The following NDUFAF5 variants were observed in gnomAD, a reference collection of about 807,000 sequenced individuals.
NDUFAF5 encodes the protein arginine-hydroxylase NDUFAF5, mitochondrial.
In NDUFAF5, 34 loss-of-function variants were observed where a neutral mutation model predicts 48.9. The observed-to-expected ratio is 0.70, with a 90% CI of 0.53 to 0.93. NDUFAF5 has a LOEUF of 0.93. Ranked by LOEUF, NDUFAF5 falls within the 40% of genes least tolerant of loss-of-function variation. NDUFAF5 has a pLI of 0.00. For synonymous variants in NDUFAF5, 153 were observed against 150.6 expected (o/e 1.02, Z -0.12); for missense variants, 428 against 427.5 (o/e 1.00, Z -0.01).
chr20:13,793,027 A>G lies in NDUFAF5; in HGVS notation c.328-153A>G, dbSNP rs931462370. On this transcript the variant is annotated intron_variant, in intron 3 of 10. Coordinates refer to ENST00000378106, the MANE Select transcript of NDUFAF5 (RefSeq NM_024120.5). ...TTAAATATAGCAAAGGATATGTGTT[A>G]TTAAAAGTATTTGTGTACCATACTG... 27 of 762,990 alleles carry G rather than the reference A, an allele frequency of 3.5e-5. 1 individual carries two copies. The African/African-American group carries it at 4.5e-4, about 13-fold the overall frequency. The allele number at this position is 762,990 out of a possible 1,614,324, so 47.3% of individuals were successfully genotyped here.
At position 13,792,004 on chromosome 20, in the gene NDUFAF5, G is replaced by A. The variant is rs1982358178; in HGVS notation, c.328-1176G>A. On this transcript the variant is annotated intron_variant, in intron 3 of 10. Coordinates refer to ENST00000378106, the MANE Select transcript of NDUFAF5 (RefSeq NM_024120.5). The stretch of plus-strand genomic sequence containing the variant: ...TGGTGGGAATATTTATACCATGGAA[G>A]TTGGCAAATGCTACAAAGCAGTCCC... Among the ~76,000 whole-genome samples, 3 of 152,200 alleles carry A rather than the reference G, an allele frequency of 2.0e-5. No homozygotes were observed. In the South Asian group the frequency reaches 6.2e-4, roughly 32 times the overall value.
At chr20:13,809,838 TTGCAGTTCC>T (rs1985608214) in intron 8 of NDUFAF5, among the ~76,000 whole-genome samples, 2 of 152,194 alleles carry the variant, frequency 1.3e-5, no homozygotes. Flanking sequence ...GAGATAAATT[TTGCAGTTCC>T]TGCTGGTGGA....
chr20:13,789,303 T>A (rs1981818012), intron 3 of NDUFAF5, among the ~76,000 whole-genome samples: 1 of 151,848 alleles, frequency 6.6e-6, no homozygotes, highest in Non-Finnish European at 1.5e-5. Flanking sequence ...TAGCTGGGAT[T>A]ATGGGGGTGC....
chr20:13,798,315 C>G lies in NDUFAF5; in HGVS notation c.480-146C>G. The G allele has an allele frequency of 4.4e-5, 30 of 687,864 alleles. No homozygotes were observed. In the South Asian group the frequency reaches 4.9e-4, roughly 11 times the overall value. The allele number at this position is 687,864 out of a possible 1,614,324, so 42.6% of individuals were successfully genotyped here. A position where few individuals can be genotyped will look rare whatever the true frequency, so the allele number is the denominator to read the frequency against. The stretch of plus-strand genomic sequence containing the variant: ...CTAGGAATATTTATAATTTTAAAAC[C>G]TGTATGAAAACGATCAGTGGATTTG... On this transcript the variant is annotated intron_variant, in intron 5 of 10. Transcript: ENST00000378106.
chr20:13,790,404 CT>C (rs1168433218), intron 3 of NDUFAF5, among the ~76,000 whole-genome samples: 1 of 152,168 alleles, frequency 6.6e-6, no homozygotes, highest in Non-Finnish European at 1.5e-5. Flanking sequence ...CCGTCAGCAG[CT>C]TTTATTTGCA....
chr20:13,817,921 A>G lies in NDUFAF5; in HGVS notation c.*711A>G, dbSNP rs1231744479. The G allele has an allele frequency of 6.6e-6, 3 of 454,164 alleles. No individual in the cohort carries two copies. Among genetic ancestry groups the G allele is most frequent in the South Asian group, 4.7e-5 (3 of 64,480 alleles). The allele number at this position is 454,164 out of a possible 1,614,324, so 28.1% of individuals were successfully genotyped here. A position where few individuals can be genotyped will look rare whatever the true frequency, so the allele number is the denominator to read the frequency against. On this transcript the variant is annotated 3_prime_UTR_variant, in exon 11 of 11. Transcript: ENST00000378106. ...GAGGGTTCAAAATCATTTGGAGATAATCAAGCTCAGACAGCTTAGGATAGG... is the reference window on the plus strand; with the variant it reads ...GAGGGTTCAAAATCATTTGGAGATAGTCAAGCTCAGACAGCTTAGGATAGG...
chr20:13,814,624 A>T, intron 8 of NDUFAF5: 1 of 530,812 alleles, frequency 1.9e-6, no homozygotes, highest in Non-Finnish European at 3.2e-6. Flanking sequence ...AAACACTGTG[A>T]GAGTCTTAAA....
chr20:13,799,279 A>C (rs1983736592), intron 6 of NDUFAF5, among the ~76,000 whole-genome samples: 1 of 152,196 alleles, frequency 6.6e-6, no homozygotes, highest in Admixed American at 6.5e-5. Context: ...CATCATTATA[A>C]AGCTGGTGGG....
chr20:13,796,983 G>T (rs754374503), intron 5 of NDUFAF5, among the ~76,000 whole-genome samples: 3 of 152,066 alleles, frequency 2.0e-5, no homozygotes, highest in Non-Finnish European at 2.9e-5. Context: ...TCTCAAAAAA[G>T]GAAAAAATTT....
At chr20:13,799,120 A>G (rs1983712585) in intron 6 of NDUFAF5, among the ~76,000 whole-genome samples, 1 of 152,144 alleles carries the variant, frequency 6.6e-6, no homozygotes, top group South Asian at 2.1e-4. Context: ...TTAAGGAACA[A>G]AAAGGAAACC....
intron 7 of NDUFAF5, among the ~76,000 whole-genome samples, chr20:13,802,404 C>T (rs943219250): frequency 6.6e-6 from 1 of 152,096 alleles, no homozygotes; most frequent in African/African-American, 2.4e-5. Flanking sequence ...TGCGGTGGCT[C>T]ACGCCTGTAA....
chr20:13,791,736 A>G (rs1216892817), intron 3 of NDUFAF5, among the ~76,000 whole-genome samples: 3 of 152,234 alleles, frequency 2.0e-5, no homozygotes, highest in East Asian at 3.9e-4. Flanking sequence ...TTGAAACACC[A>G]TAACAATGTT....
At chr20:13,808,700 C>A in intron 7 of NDUFAF5, 142 bp from the exon 8 acceptor site, 1 of 612,946 alleles carries the variant, frequency 1.6e-6, no homozygotes, top group South Asian at 1.9e-5. Flanking sequence ...AAACATAAGC[C>A]AGATGACATC....
In NDUFAF5 at chr20:13,821,139, G is replaced by A. The variant is rs1428941659; in HGVS notation, c.*3929G>A. On this transcript the variant is annotated 3_prime_UTR_variant, in exon 11 of 11. Coordinates refer to ENST00000378106, the MANE Select transcript of NDUFAF5 (RefSeq NM_024120.5). ...AAAATAATGCTTTGCCATCTGTGGT[G>A]GTTTTAAAATCTATCCACAAATTTT... is the stretch of plus-strand genomic sequence containing the variant. 2.6e-5 allele frequency: 4 copies of A among 152,282 alleles called. No homozygotes were observed. In the East Asian group the frequency reaches 7.7e-4, roughly 29 times the overall value. The allele number at this position is 152,282 out of a possible 1,614,324, so 9.4% of individuals were successfully genotyped here. A position where few individuals can be genotyped will look rare whatever the true frequency, so the allele number is the denominator to read the frequency against.
At chr20:13,816,406 T>C (rs1986460169) in intron 8 of NDUFAF5, 57 bp from the exon 9 acceptor site, 2 of 1,163,916 alleles carry the variant, frequency 1.7e-6, no homozygotes, top group South Asian at 2.4e-5. Context: ...GTCTGTGGTA[T>C]TGAGCTGTTC....
Position 13,785,122 on chromosome 20 carries a change from G to T in NDUFAF5, c.54G>T (p.Arg18Ser). The T allele has an allele frequency of 6.2e-7, 1 of 1,613,830 alleles. No homozygotes were observed. Among genetic ancestry groups the T allele is most frequent in the Non-Finnish European group, 8.5e-7 (1 of 1,179,960 alleles). The change falls in exon 1 of 11, where the codon AGG (arginine) becomes AGT (serine). Residue 18 changes from arginine (R) to serine (S), a missense_variant. Transcript: ENST00000378106. ...TATGTCGGCGACCTTGGGCGGCGAGGGTCCCAGCGGAGAATCTTGGCCGTA... is the reference window on the plus strand; with the variant it reads ...TATGTCGGCGACCTTGGGCGGCGAGTGTCCCAGCGGAGAATCTTGGCCGTA... ...WRLCRRPWAA[R>S]VPAENLGRRE... is the part of the protein sequence containing the mutation.
At chr20:13,795,342 C>A (rs367739798) in intron 5 of NDUFAF5, among the ~76,000 whole-genome samples, 2 of 152,064 alleles carry the variant, frequency 1.3e-5, no homozygotes, top group African/African-American at 2.4e-5. Context: ...CCTTCTATCA[C>A]AGATGAGTTT....
intron 1 of NDUFAF5, chr20:13,787,034 G>T: frequency 2.1e-6 from 1 of 481,074 alleles, no homozygotes; most frequent in Non-Finnish European, 3.8e-6. Flanking sequence ...GTGATCTTAT[G>T]TCACATGGAA....
intron 7 of NDUFAF5, among the ~76,000 whole-genome samples, chr20:13,807,591 A>G (rs1039153343): frequency 6.6e-6 from 1 of 151,722 alleles, no homozygotes; most frequent in Non-Finnish European, 1.5e-5. Context: ...TATTTTATAG[A>G]ATACATATTC....
Sources: allele counts gnomAD v4.1 joint callset (sites outside exome capture counted in the v4.1 genomes callset), GRCh38; gene constraint gnomAD v4.1.1; transcripts MANE v1.5; gene names NCBI Gene and HGNC (gene_info 2026-07-23, HGNC 2026-07-21).